The following GPC6 variants were observed in gnomAD, a reference collection of about 807,000 sequenced individuals.
The protein encoded by GPC6 is glypican 6, also known as glypican-6.
In GPC6, 14 loss-of-function variants were observed where a neutral mutation model predicts 55.2. The observed-to-expected ratio is 0.25, with a 90% CI of 0.17 to 0.40. The LOEUF (loss-of-function observed/expected upper bound fraction) is 0.40, where lower values mean the gene tolerates loss of function less well. Ranked by LOEUF, GPC6 falls within the 10% of genes least tolerant of loss-of-function variation. The pLI, the probability that GPC6 is intolerant of heterozygous loss-of-function variation, is 1.00. For synonymous variants in GPC6, 278 were observed against 259.6 expected (o/e 1.07, Z -0.68); for missense variants, 641 against 708.5 (o/e 0.90, Z 1.08).
chr13:93,390,769 G>A (rs1004955929), intron 1 of GPC6, among the ~76,000 whole-genome samples: 3 of 148,676 alleles, frequency 2.0e-5, no homozygotes, highest in East Asian at 2.0e-4. Context: ...TGCATGTATA[G>A]TTTTTTTTTC....
chr13:93,417,170 G>T (rs188219876), intron 1 of GPC6, among the ~76,000 whole-genome samples: 63 of 152,218 alleles, frequency 4.1e-4, no homozygotes, highest in Non-Finnish European at 7.5e-4. Context: ...ATGAGAAAAT[G>T]TATATTTCAC....
At chr13:93,563,165 C>T (rs886758019) in intron 2 of GPC6, among the ~76,000 whole-genome samples, 2 of 152,012 alleles carry the variant, frequency 1.3e-5, no homozygotes, top group African/African-American at 2.4e-5. Context: ...TTTGTTTTGG[C>T]ATTCTCACTT....
At chr13:93,892,112 G>A (rs1875727683) in intron 3 of GPC6, among the ~76,000 whole-genome samples, 1 of 152,010 alleles carries the variant, frequency 6.6e-6, no homozygotes, top group African/African-American at 2.4e-5. Context: ...TGGTGTGTAT[G>A]TATAGTGTAT....
intron 1 of GPC6, among the ~76,000 whole-genome samples, chr13:93,379,670 T>C (rs1205795501): frequency 6.6e-6 from 1 of 152,188 alleles, no homozygotes; most frequent in Non-Finnish European, 1.5e-5. Context: ...TAAAATGCTG[T>C]TGAATACAAT....
At chr13:93,338,672 A>G (rs956082237) in intron 1 of GPC6, among the ~76,000 whole-genome samples, 2 of 152,234 alleles carry the variant, frequency 1.3e-5, no homozygotes, top group African/African-American at 4.8e-5. Context: ...GCTTGTTTGA[A>G]CTAAAGTCAT....
At chr13:94,184,600 C>T (rs1889108400) in intron 4 of GPC6, among the ~76,000 whole-genome samples, 1 of 152,066 alleles carries the variant, frequency 6.6e-6, no homozygotes, top group African/African-American at 2.4e-5. Flanking sequence ...TAGCATCTCA[C>T]ACCAGTCAGG....
intron 4 of GPC6, among the ~76,000 whole-genome samples, chr13:94,029,598 T>C (rs544952205): frequency 1.3e-5 from 2 of 152,348 alleles, no homozygotes; most frequent in South Asian, 2.1e-4. Context: ...TGGAGTCATA[T>C]AGTCATCCAT....
chr13:94,325,300 G>T (rs536286573), intron 6 of GPC6, among the ~76,000 whole-genome samples: 2 of 152,284 alleles, frequency 1.3e-5, no homozygotes, highest in East Asian at 1.9e-4. Context: ...TCACTCATTT[G>T]TGCTCACTCC....
At chr13:93,786,895 T>C (rs182258699) in intron 2 of GPC6, among the ~76,000 whole-genome samples, 3 of 152,226 alleles carry the variant, frequency 2.0e-5, no homozygotes, top group Non-Finnish European at 4.4e-5. Flanking sequence ...CTGAGCCTAT[T>C]ATGTCTGCAT....
At chr13:93,777,373 A>G (rs1259871543) in intron 2 of GPC6, among the ~76,000 whole-genome samples, 1 of 152,184 alleles carries the variant, frequency 6.6e-6, no homozygotes, top group East Asian at 1.9e-4. Context: ...ATTTGCCCAG[A>G]TAACTCTCCT....
chr13:93,600,986 A>G (rs1387502740), intron 2 of GPC6, among the ~76,000 whole-genome samples: 1 of 147,382 alleles, frequency 6.8e-6, no homozygotes, highest in Non-Finnish European at 1.5e-5. Flanking sequence ...AAAAACGGGG[A>G]TATGATTTCT....
At position 93,816,350 on chromosome 13, in the gene GPC6, C is replaced by T. The variant is rs369301974; in HGVS notation, c.320-13804C>T. 3.3e-5 allele frequency among the ~76,000 whole-genome samples: 5 copies of T among 152,258 alleles called. No individual in the cohort carries two copies. In the East Asian group the frequency reaches 7.7e-4, roughly 23 times the overall value. On this transcript the variant is annotated intron_variant, in intron 2 of 8. Transcript: ENST00000377047. ...CTGGGGACTATTATTTTATAGACAG[C>T]ACGCTGTGCTTTAGAGACTACTACT...
At chr13:94,209,661 T>C (rs1443174227) in intron 4 of GPC6, among the ~76,000 whole-genome samples, 1 of 152,070 alleles carries the variant, frequency 6.6e-6, no homozygotes, top group Non-Finnish European at 1.5e-5. Flanking sequence ...AAATGAACTG[T>C]AATACACAGT....
intron 1 of GPC6, among the ~76,000 whole-genome samples, chr13:93,507,534 C>T (rs1384250251): frequency 6.6e-6 from 1 of 152,192 alleles, no homozygotes; most frequent in African/African-American, 2.4e-5. Context: ...TTCCAATGAG[C>T]AGCTTCAGTC....
chr13:94,355,944 A>T (rs1378589543), intron 6 of GPC6, among the ~76,000 whole-genome samples: 2 of 151,774 alleles, frequency 1.3e-5, no homozygotes, highest in African/African-American at 4.8e-5. Context: ...CCCTGCCCCC[A>T]CAACAGGCCC....
intron 1 of GPC6, among the ~76,000 whole-genome samples, chr13:93,438,086 G>A (rs1877640292): frequency 6.6e-6 from 1 of 152,020 alleles, no homozygotes; most frequent in Admixed American, 6.6e-5. Context: ...ATGGTTTAAG[G>A]GATATTTGAC....
At chr13:94,374,259 C>G (rs1037112426) in intron 6 of GPC6, among the ~76,000 whole-genome samples, 6 of 151,390 alleles carry the variant, frequency 4.0e-5, no homozygotes, top group Non-Finnish European at 7.4e-5. Context: ...AATTAAAAGA[C>G]ACAGACTGGC....
At chr13:93,639,888 C>G (rs1173413801) in intron 2 of GPC6, among the ~76,000 whole-genome samples, 2 of 152,038 alleles carry the variant, frequency 1.3e-5, no homozygotes, top group African/African-American at 4.8e-5. Flanking sequence ...AGGTAGACAA[C>G]AAACCACTGT....
At chr13:93,487,269 G>T (rs1052819052) in intron 1 of GPC6, among the ~76,000 whole-genome samples, 1 of 151,962 alleles carries the variant, frequency 6.6e-6, no homozygotes, top group South Asian at 2.1e-4. Flanking sequence ...GTCCAGGTTT[G>T]CTACATAGGT....
Sources: gnomAD v4.1 joint callset for allele counts (sites outside exome capture counted in the v4.1 genomes callset) on GRCh38, gnomAD v4.1.1 for gene constraint, MANE v1.5 for transcripts, NCBI Gene and HGNC (gene_info 2026-07-23, HGNC 2026-07-21) for gene names.